DOCK1: variants seen among roughly 807,000 people sequenced by gnomAD.
DOCK1 encodes the protein dedicator of cytokinesis protein 1.
A neutral mutation model predicts 262.7 loss-of-function variants in DOCK1; 138 were observed. The ratio of observed to expected loss-of-function variants is 0.53; its 90% CI spans 0.46 to 0.61. The LOEUF is 0.61. Among genes scored for constraint, DOCK1 ranks in the 20% least tolerant of loss-of-function variants. DOCK1 has a pLI of 0.00. For synonymous variants in DOCK1, 866 were observed against 867.4 expected, an observed-to-expected ratio of 1.00 and a Z score of 0.03; for missense variants, 1,908 against 2,370.7, an observed-to-expected ratio of 0.80 and a Z score of 4.05.
At chr10:127,274,372 T>C (rs2060670837) in intron 29 of DOCK1, among the ~76,000 whole-genome samples, 1 of 152,182 alleles carries the variant, frequency 6.6e-6, no homozygotes, top group Non-Finnish European at 1.5e-5. Context: ...GGAAAGTTGC[T>C]GGAAACTTTA....
chr10:127,231,813 T>C (rs968212848), intron 27 of DOCK1, among the ~76,000 whole-genome samples: 6 of 152,210 alleles, frequency 3.9e-5, no homozygotes, highest in African/African-American at 1.2e-4. Context: ...TTCAAACAAA[T>C]AGAAGACTGA....
At chr10:127,083,480 T>G (rs779636305) in intron 23 of DOCK1, among the ~76,000 whole-genome samples, 15 of 152,188 alleles carry the variant, frequency 9.9e-5, no homozygotes, top group Non-Finnish European at 2.1e-4. Context: ...CTTCGGCTAT[T>G]AAAATATGAG....
intron 47 of DOCK1, among the ~76,000 whole-genome samples, 176 bp downstream of exon 47, chr10:127,426,187 A>T (rs2068804242): frequency 6.6e-6 from 1 of 152,182 alleles, no homozygotes; most frequent in Non-Finnish European, 1.5e-5. Context: ...GCAACTCAGC[A>T]ACCTCCTTTC....
chr10:127,024,263 C>T (rs2042663332), intron 14 of DOCK1, among the ~76,000 whole-genome samples: 1 of 152,170 alleles, frequency 6.6e-6, no homozygotes, highest in African/African-American at 2.4e-5. Context: ...ATAGGTGCTG[C>T]CCTTGCCACT....
chr10:127,273,152 T>G (rs562977034), intron 29 of DOCK1, among the ~76,000 whole-genome samples: 1 of 152,332 alleles, frequency 6.6e-6, no homozygotes, highest in East Asian at 1.9e-4. Context: ...TAAAGTGAAG[T>G]TTCCTGCAAG....
intron 28 of DOCK1, among the ~76,000 whole-genome samples, chr10:127,253,772 G>A (rs2059736559): frequency 1.3e-5 from 2 of 151,778 alleles, no homozygotes; most frequent in African/African-American, 4.8e-5. Flanking sequence ...CTACTTGGGA[G>A]GCTGAGGCAG....
chr10:127,022,180 G>A (rs574111393), intron 13 of DOCK1, among the ~76,000 whole-genome samples: 1 of 151,970 alleles, frequency 6.6e-6, no homozygotes, highest in South Asian at 2.1e-4. Flanking sequence ...CTTTAAAACA[G>A]ACAGGTCTGT....
chr10:127,443,881 G>T (rs904149497), intron 49 of DOCK1, among the ~76,000 whole-genome samples: 2 of 151,928 alleles, frequency 1.3e-5, no homozygotes, highest in Non-Finnish European at 2.9e-5. Context: ...GGTCTCTGGG[G>T]CATAAGGTTT....
At chr10:126,946,452 C>T in intron 1 of DOCK1, among the ~76,000 whole-genome samples, 1 of 152,264 alleles carries the variant, frequency 6.6e-6, no homozygotes, top group South Asian at 2.1e-4. Flanking sequence ...GAGGCTGAGG[C>T]AGGAGAATCG....
At chr10:127,350,819 T>C (rs1204879294) in intron 31 of DOCK1, among the ~76,000 whole-genome samples, 2 of 152,144 alleles carry the variant, frequency 1.3e-5, no homozygotes, top group African/African-American at 4.8e-5. Context: ...TAAATGACCA[T>C]TGCAACCATG....
At chr10:127,283,826 A>G (rs2061052062) in intron 29 of DOCK1, among the ~76,000 whole-genome samples, 1 of 152,180 alleles carries the variant, frequency 6.6e-6, no homozygotes, top group Non-Finnish European at 1.5e-5. Flanking sequence ...TCTGTTGCAG[A>G]TAACATTGTA....
intron 27 of DOCK1, among the ~76,000 whole-genome samples, chr10:127,199,322 C>A (rs1270026193): frequency 1.3e-5 from 2 of 152,052 alleles, no homozygotes; most frequent in Non-Finnish European, 2.9e-5. Context: ...TGGAATTCCA[C>A]CCCTATGGTA....
At chr10:126,970,649 T>C (rs2038031474) in intron 1 of DOCK1, 53 bp from the exon 2 acceptor site, 4 of 1,416,880 alleles carry the variant, frequency 2.8e-6, no homozygotes, top group Non-Finnish European at 4.0e-6. Flanking sequence ...CGACTCAGCA[T>C]GGTCACTTCT....
intron 49 of DOCK1, among the ~76,000 whole-genome samples, chr10:127,443,313 C>CAATTAGTAAAGTGGGGA (rs1554969825): frequency 7.6e-4 from 115 of 151,864 alleles, no homozygotes; most frequent in African/African-American, 2.6e-3. Flanking sequence ...GCCAAGAGAC[C>CAATTAGTAAAGTGGGGA]AATTAGTAAA....
intron 25 of DOCK1, among the ~76,000 whole-genome samples, chr10:127,122,513 C>G (rs951882360): frequency 2.0e-5 from 3 of 151,948 alleles, no homozygotes; most frequent in Non-Finnish European, 2.9e-5. Context: ...CATTTTGTCT[C>G]GACAGTTAAA....
At chr10:127,316,676 G>A (rs1450759572) in intron 29 of DOCK1, among the ~76,000 whole-genome samples, 5 of 152,220 alleles carry the variant, frequency 3.3e-5, no homozygotes, top group East Asian at 1.9e-4. Flanking sequence ...AAAAGGGCGC[G>A]GTTTACAGGC....
intron 33 of DOCK1, among the ~76,000 whole-genome samples, chr10:127,366,825 C>CA (rs1192349463): frequency 1.3e-5 from 2 of 152,204 alleles, no homozygotes; most frequent in African/African-American, 4.8e-5. Flanking sequence ...CCTTATTAGT[C>CA]ACGTCAGCAG....
At chr10:126,919,542 G>T (rs2032956748) in intron 1 of DOCK1, among the ~76,000 whole-genome samples, 1 of 152,154 alleles carries the variant, frequency 6.6e-6, no homozygotes, top group Non-Finnish European at 1.5e-5. Flanking sequence ...TGAGGCCAAG[G>T]GGAAGGGGAG....
At chr10:126,955,527 G>A (rs2134457599) in intron 1 of DOCK1, among the ~76,000 whole-genome samples, 1 of 152,290 alleles carries the variant, frequency 6.6e-6, no homozygotes, top group Non-Finnish European at 1.5e-5. Flanking sequence ...GTTCTGTGGA[G>A]CCCCGCCCAT....
Sources: allele counts gnomAD v4.1 joint callset (sites outside exome capture counted in the v4.1 genomes callset), GRCh38; gene constraint gnomAD v4.1.1; transcripts MANE v1.5; gene names NCBI Gene and HGNC (gene_info 2026-07-23, HGNC 2026-07-21).